The following RBFOX1 variants were observed in gnomAD, a reference collection of about 807,000 sequenced individuals.
The protein encoded by RBFOX1 is RNA binding protein fox-1 homolog 1.
In RBFOX1, 8 loss-of-function variants were observed where a neutral mutation model predicts 57.7. The observed-to-expected ratio is 0.14, with a 90% CI of 0.08 to 0.25. The LOEUF (loss-of-function observed/expected upper bound fraction) is 0.25, where lower values mean the gene tolerates loss of function less well. RBFOX1 is among the 10% of genes least tolerant of loss of function. The pLI is 1.00. For missense variants in RBFOX1, 611 were observed against 548.5 expected, an observed-to-expected ratio of 1.11 and a Z score of -1.14; for synonymous variants, 326 against 222.4, an observed-to-expected ratio of 1.47 and a Z score of -4.15.
chr16:5,497,352 A>C (rs551047637), intron 2 of RBFOX1, among the ~76,000 whole-genome samples: 1 of 151,938 alleles, frequency 6.6e-6, no homozygotes, highest in East Asian at 1.9e-4. Flanking sequence ...TGAACTCAGC[A>C]TTCAAGGCCT....
intron 4 of RBFOX1, among the ~76,000 whole-genome samples, chr16:7,461,571 T>G (rs1404914364): frequency 6.6e-6 from 1 of 152,210 alleles, no homozygotes; most frequent in Non-Finnish European, 1.5e-5. Context: ...GAACTTAGAA[T>G]TGACATTCAG....
chr16:5,565,659 A>G (rs1401358193), intron 2 of RBFOX1, among the ~76,000 whole-genome samples: 2 of 151,398 alleles, frequency 1.3e-5, no homozygotes, highest in Non-Finnish European at 2.9e-5. Flanking sequence ...TAAATAAATA[A>G]ATAAATAAAT....
chr16:5,346,697 C>T (rs1428690346), intron 1 of RBFOX1, among the ~76,000 whole-genome samples: 2 of 152,146 alleles, frequency 1.3e-5, no homozygotes, highest in Admixed American at 6.5e-5. Context: ...AACAGCTTTG[C>T]TGTTTTCTAA....
chr16:5,559,026 C>T (rs1412921820), intron 2 of RBFOX1, among the ~76,000 whole-genome samples: 5 of 152,020 alleles, frequency 3.3e-5, no homozygotes, highest in Non-Finnish European at 5.9e-5. Context: ...GAAACCATAG[C>T]AGTTATGCTC....
intron 4 of RBFOX1, among the ~76,000 whole-genome samples, chr16:7,314,423 A>G (rs2096391807): frequency 6.6e-6 from 1 of 152,192 alleles, no homozygotes; most frequent in Admixed American, 6.5e-5. Context: ...TTAGTGCTTT[A>G]CAACCTTCCT....
At chr16:5,430,476 G>A (rs1173594812) in intron 1 of RBFOX1, among the ~76,000 whole-genome samples, 1 of 152,222 alleles carries the variant, frequency 6.6e-6, no homozygotes, top group Non-Finnish European at 1.5e-5. Context: ...GCTGGAGGAG[G>A]CAGAGCCTGG....
chr16:6,593,157 G>A (rs1017775338), intron 2 of RBFOX1, among the ~76,000 whole-genome samples: 2 of 152,164 alleles, frequency 1.3e-5, no homozygotes, highest in East Asian at 1.9e-4. Context: ...GCACCATTGC[G>A]CTCCAGCCTG....
chr16:7,079,631 C>A (rs374164754), intron 4 of RBFOX1, among the ~76,000 whole-genome samples: 1 of 152,000 alleles, frequency 6.6e-6, no homozygotes, highest in Non-Finnish European at 1.5e-5. Context: ...AAGCCTTTTG[C>A]GTTATGATGG....
At position 5,456,115 on chromosome 16, in the gene RBFOX1, A is replaced by T. The variant is rs189772869; in HGVS notation, c.220-11101A>T. ...TATTATGGCATATATCATTTTTTTA[A>T]AAAAAAAACGTGCTTAACATGAGGT... On this transcript the variant is annotated intron_variant, in intron 1 of 2. Transcript: ENST00000585867. Among the ~76,000 whole-genome samples, 420 of 151,402 alleles carry T rather than the reference A, an allele frequency of 2.8e-3. 1 individual carries two copies. Among genetic ancestry groups the T allele is most frequent in the East Asian group, 0.021 (110 of 5,150 alleles).
intron 2 of RBFOX1, among the ~76,000 whole-genome samples, chr16:5,516,907 C>A (rs1004094564): frequency 1.3e-5 from 2 of 152,104 alleles, no homozygotes; most frequent in African/African-American, 4.8e-5. Flanking sequence ...GTCAATTAAA[C>A]CTTTTTTCTT....
chr16:6,796,740 C>A (rs965531991), intron 3 of RBFOX1, among the ~76,000 whole-genome samples: 3 of 152,112 alleles, frequency 2.0e-5, no homozygotes, highest in Non-Finnish European at 4.4e-5. Context: ...ATTTATGATC[C>A]TAAACGCCCC....
intron 4 of RBFOX1, among the ~76,000 whole-genome samples, chr16:7,356,912 T>A (rs2097224387): frequency 6.6e-6 from 1 of 152,124 alleles, no homozygotes. Context: ...TCCAGCAAGG[T>A]TGATGCAGGG....
At chr16:6,825,576 T>C (rs1436811473) in intron 3 of RBFOX1, among the ~76,000 whole-genome samples, 1 of 152,182 alleles carries the variant, frequency 6.6e-6, no homozygotes, top group African/African-American at 2.4e-5. Context: ...TGAAGCATTT[T>C]TGAGTTCCAT....
chr16:6,732,754 G>C (rs536929754), intron 3 of RBFOX1, among the ~76,000 whole-genome samples: 1 of 152,212 alleles, frequency 6.6e-6, no homozygotes, highest in Non-Finnish European at 1.5e-5. Flanking sequence ...CATTCTGCCA[G>C]TGCCTCTGTA....
intron 3 of RBFOX1, among the ~76,000 whole-genome samples, chr16:7,014,012 G>C (rs1331353116): frequency 6.6e-6 from 1 of 152,146 alleles, no homozygotes; most frequent in East Asian, 1.9e-4. Flanking sequence ...AGAAGGAAGA[G>C]TAGGTTTCAA....
intron 3 of RBFOX1, among the ~76,000 whole-genome samples, chr16:6,671,075 C>G (rs2098761702): frequency 6.6e-6 from 1 of 152,310 alleles, no homozygotes; most frequent in African/African-American, 2.4e-5. Context: ...AACCAGAGTA[C>G]TCATACGTAT....
At chr16:5,944,598 A>G (rs1420570822) in intron 4 of RBFOX1, among the ~76,000 whole-genome samples, 6 of 151,534 alleles carry the variant, frequency 4.0e-5, no homozygotes, top group African/African-American at 1.5e-4. Flanking sequence ...GTGAAGTCAG[A>G]TGGAGGCAAC....
At chr16:5,862,402 C>G (rs897691213) in intron 3 of RBFOX1, among the ~76,000 whole-genome samples, 6 of 152,112 alleles carry the variant, frequency 3.9e-5, no homozygotes, top group East Asian at 1.9e-4. Flanking sequence ...ATTATTCAGT[C>G]TTGCTGCCTG....
intron 8 of RBFOX1, among the ~76,000 whole-genome samples, chr16:7,596,957 A>G (rs567083467): frequency 1.3e-5 from 2 of 152,032 alleles, no homozygotes; most frequent in Non-Finnish European, 2.9e-5. Context: ...TTTGACATTT[A>G]TGTTCCCTTG....
Sources: allele counts gnomAD v4.1 joint callset (sites outside exome capture counted in the v4.1 genomes callset), GRCh38; gene constraint gnomAD v4.1.1; transcripts MANE v1.5; gene names NCBI Gene and HGNC (gene_info 2026-07-23, HGNC 2026-07-21).